The following LSAMP variants were observed in gnomAD, a reference collection of about 807,000 sequenced individuals.
LSAMP encodes the protein limbic system associated membrane protein.
LSAMP carries 7 observed loss-of-function variants against 38.6 expected under a neutral mutation model. That is an observed-to-expected ratio of 0.18 (90% CI 0.10 to 0.34). LSAMP has a LOEUF of 0.34. LSAMP is among the 10% of genes least tolerant of loss of function. The pLI is 1.00. For missense variants in LSAMP, 313 were observed against 420.0 expected (o/e 0.75, Z 2.23); for synonymous variants, 154 against 166.8 (o/e 0.92, Z 0.59).
chr3:115,870,112 A>G (rs1935989474), intron 3 of LSAMP, among the ~76,000 whole-genome samples: 1 of 152,182 alleles, frequency 6.6e-6, no homozygotes, highest in African/African-American at 2.4e-5. Flanking sequence ...TTACTTGGAC[A>G]CAGCCATGCC....
intron 4 of LSAMP, among the ~76,000 whole-genome samples, chr3:115,852,041 C>T (rs567806919): frequency 1.3e-5 from 2 of 152,270 alleles, no homozygotes; most frequent in Admixed American, 1.3e-4. Flanking sequence ...AATTTGTTCC[C>T]AAGGCCAATT....
intron 4 of LSAMP, among the ~76,000 whole-genome samples, chr3:115,846,754 T>C (rs565587665): frequency 2.0e-5 from 3 of 152,096 alleles, no homozygotes; most frequent in Non-Finnish European, 4.4e-5. Context: ...GAATTGCTAA[T>C]AGGAAAAAAT....
chr3:116,372,279 A>T (rs1235264193), intron 1 of LSAMP, among the ~76,000 whole-genome samples: 1 of 152,086 alleles, frequency 6.6e-6, no homozygotes, highest in East Asian at 1.9e-4. Context: ...TGTATGATTA[A>T]ATAATTTTCG....
chr3:116,171,476 T>C (rs938114792), intron 1 of LSAMP, among the ~76,000 whole-genome samples: 1 of 152,126 alleles, frequency 6.6e-6, no homozygotes, highest in Non-Finnish European at 1.5e-5. Context: ...ACCATCATCA[T>C]GTTACCTCCA....
chr3:116,312,464 C>T lies in LSAMP; in HGVS notation c.155+132413G>A, dbSNP rs556760710. ...TAAGATAATAGCCAGTAGCATGCTC[C>T]CCTCCTTCTCTTCCCCCTTTCCATT... On this transcript the variant is annotated intron_variant, in intron 1 of 6. Coordinates refer to ENST00000490035, the MANE Select transcript of LSAMP (RefSeq NM_002338.5). Among the ~76,000 whole-genome samples, 3 of 152,260 alleles carry T rather than the reference C, an allele frequency of 2.0e-5. 1 individual carries two copies. The South Asian group carries it at 6.2e-4, about 32-fold the overall frequency.
Position 116,096,892 on chromosome 3 carries a change from T to C in LSAMP, c.156-10336A>G, listed in dbSNP as rs73139200. ...CACTAAACTAGCAAGAATCTACAAC[T>C]TTTTTCTCTCCTTTGAACTAGAAAT... On this transcript the variant is annotated intron_variant, in intron 1 of 6. Transcript: ENST00000490035. Among the ~76,000 whole-genome samples, 579 of 152,318 alleles carry C rather than the reference T, an allele frequency of 3.8e-3. 3 individuals are homozygous for C. The highest frequency in any genetic ancestry group is 6.5e-3 in the Non-Finnish European group (443 of 68,026).
chr3:116,256,579 A>G (rs1436770496), intron 1 of LSAMP, among the ~76,000 whole-genome samples: 1 of 152,198 alleles, frequency 6.6e-6, no homozygotes, highest in African/African-American at 2.4e-5. Context: ...TATATACAAC[A>G]TATCCACAAA....
At chr3:116,374,691 TA>T (rs1354394762) in intron 1 of LSAMP, among the ~76,000 whole-genome samples, 10 of 152,074 alleles carry the variant, frequency 6.6e-5, no homozygotes, top group East Asian at 3.9e-4. Flanking sequence ...ACTCACTTCT[TA>T]TTTTTCAAAG....
intron 1 of LSAMP, among the ~76,000 whole-genome samples, chr3:116,127,450 C>G (rs764554688): frequency 1.3e-5 from 2 of 151,958 alleles, no homozygotes; most frequent in Non-Finnish European, 2.9e-5. Flanking sequence ...GCAAGAATAC[C>G]CAACAGGTGA....
At chr3:116,189,107 A>T (rs1174362716) in intron 1 of LSAMP, among the ~76,000 whole-genome samples, 1 of 152,308 alleles carries the variant, frequency 6.6e-6, no homozygotes. Context: ...AAGTAAACAT[A>T]TAGTTTCAGT....
At chr3:116,425,440 G>A (rs1422604968) in intron 1 of LSAMP, among the ~76,000 whole-genome samples, 2 of 152,198 alleles carry the variant, frequency 1.3e-5, no homozygotes, top group South Asian at 2.1e-4. Context: ...GAAGATAAGG[G>A]TTAGTGGAAA....
At position 116,423,235 on chromosome 3, in the gene LSAMP, C is replaced by G. The variant is rs185692411; in HGVS notation, c.155+21642G>C. ...ATTTTAAGAGGGGAAAAAAAACTTG[C>G]AACAGAAGGAAAATGGTATTTCCTC... On this transcript the variant is annotated intron_variant, in intron 1 of 6. Transcript: ENST00000490035. 3.3e-5 allele frequency among the ~76,000 whole-genome samples: 5 copies of G among 152,248 alleles called. No individual in the cohort carries two copies. The East Asian group carries it at 7.7e-4, about 24-fold the overall frequency.
chr3:115,890,471 A>C (rs1210336039), intron 3 of LSAMP, among the ~76,000 whole-genome samples: 1 of 151,948 alleles, frequency 6.6e-6, no homozygotes, highest in African/African-American at 2.4e-5. Context: ...CCACATTACT[A>C]GTTTGGAATG....
intron 3 of LSAMP, among the ~76,000 whole-genome samples, chr3:115,948,463 T>C (rs985547969): frequency 6.6e-6 from 1 of 152,056 alleles, no homozygotes. Flanking sequence ...AACTGGAAAT[T>C]AACTCCAAAA....
chr3:116,164,448 AG>A (rs1709980697), intron 1 of LSAMP, among the ~76,000 whole-genome samples: 2 of 150,514 alleles, frequency 1.3e-5, no homozygotes, highest in Admixed American at 6.6e-5. Flanking sequence ...TGCCATTAAA[AG>A]CAATGGCAAA....
At chr3:116,230,493 G>C (rs1174101402) in intron 1 of LSAMP, among the ~76,000 whole-genome samples, 1 of 152,114 alleles carries the variant, frequency 6.6e-6, no homozygotes, top group Non-Finnish European at 1.5e-5. Flanking sequence ...CCATATGACA[G>C]TAGACTCAGC....
intron 1 of LSAMP, among the ~76,000 whole-genome samples, chr3:116,441,071 A>T (rs973805223): frequency 6.6e-6 from 1 of 152,126 alleles, no homozygotes; most frequent in Non-Finnish European, 1.5e-5. Context: ...AGAAACAAAC[A>T]GGGAATTAAA....
intron 3 of LSAMP, among the ~76,000 whole-genome samples, chr3:115,875,432 GTC>G (rs1239160478): frequency 6.6e-6 from 1 of 151,964 alleles, no homozygotes; most frequent in African/African-American, 2.4e-5. Flanking sequence ...CACTGTAGCC[GTC>G]TCTCTATAAA....
chr3:116,140,727 A>C (rs1224314659), intron 1 of LSAMP, among the ~76,000 whole-genome samples: 2 of 152,000 alleles, frequency 1.3e-5, no homozygotes, highest in Admixed American at 6.6e-5. Flanking sequence ...ACGAAGCTTT[A>C]TCCACAATAT....
Sources: gnomAD v4.1 joint callset for allele counts (sites outside exome capture counted in the v4.1 genomes callset) on GRCh38, gnomAD v4.1.1 for gene constraint, MANE v1.5 for transcripts, NCBI Gene and HGNC (gene_info 2026-07-23, HGNC 2026-07-21) for gene names.